Variants in TENM1 observed in about 807,000 individuals in gnomAD.
The protein encoded by TENM1 is teneurin-1.
In TENM1, 35 loss-of-function variants were observed where a neutral mutation model predicts 174.8. The observed-to-expected ratio is 0.20, with a 90% confidence interval of 0.15 to 0.27. The LOEUF is 0.27. TENM1 is among the 10% of genes least tolerant of loss of function. The pLI is 1.00. For synonymous variants in TENM1, 781 were observed against 798.7 expected, an observed-to-expected ratio of 0.98 and a Z score of 0.37; for missense variants, 1,633 against 2,130.1, an observed-to-expected ratio of 0.77 and a Z score of 4.59.
At chrX:125,000,499 T>C in the TENM1 span, among the ~76,000 whole-genome samples, 4 of 111,843 alleles carry the variant, frequency 3.6e-5, no homozygotes, top group Non-Finnish European at 7.6e-5. Context: ...AGGAGGCTCA[T>C]GTTTCTAAAA....
rs375457871 is a variant in TENM1 at position 124,630,951 on chromosome X, G to A, written c.2077+10840C>T. Reference sequence around the variant, plus strand: ...TGCAACATGATATTTTAAAGTTTACGCTGATTTGTAGCGTAGGCAGGTTTC... The same window carrying A: ...TGCAACATGATATTTTAAAGTTTACACTGATTTGTAGCGTAGGCAGGTTTC... On this transcript the variant is annotated intron_variant, in intron 11 of 31. Coordinates refer to ENST00000422452, the Ensembl canonical transcript of TENM1. Among the ~76,000 whole-genome samples, 7 of 112,011 alleles carry A rather than the reference G, an allele frequency of 6.2e-5. No individual in the cohort carries two copies. In the East Asian group the frequency reaches 8.4e-4, roughly 13 times the overall value.
chrX:124,391,700 T>C (rs750026585), intron 28 of TENM1, among the ~76,000 whole-genome samples: 35 of 111,992 alleles, frequency 3.1e-4, no homozygotes, highest in Admixed American at 5.7e-4. Flanking sequence ...GCTGAGTACA[T>C]TAACACAATT....
chrX:124,576,506 A>G (rs2148200977), intron 11 of TENM1, among the ~76,000 whole-genome samples: 1 of 112,087 alleles, frequency 8.9e-6, no homozygotes, highest in East Asian at 2.8e-4. Flanking sequence ...GCAGTTTGTG[A>G]CCACCTAAAA....
At chrX:125,017,884 G>A in the TENM1 span, among the ~76,000 whole-genome samples, 3 of 111,330 alleles carry the variant, frequency 2.7e-5, no homozygotes, top group African/African-American at 9.8e-5. Flanking sequence ...TGGGGGCTAG[G>A]GAAGGGATAG....
chrX:124,794,808 A>C (rs760981180), intron 3 of TENM1, among the ~76,000 whole-genome samples: 91 of 111,188 alleles, frequency 8.2e-4, no homozygotes, highest in African/African-American at 2.9e-3. Context: ...CTGTTGAGCT[A>C]TTCTCCCCTT....
intron 11 of TENM1, among the ~76,000 whole-genome samples, chrX:124,597,629 C>T (rs907868623): frequency 5.4e-5 from 6 of 110,445 alleles, no homozygotes; most frequent in Admixed American, 1.9e-4. Context: ...CAGAAATCAC[C>T]GCTAAAGAAC....
At chrX:124,794,985 C>T (rs1462310807) in intron 3 of TENM1, among the ~76,000 whole-genome samples, 2 of 111,437 alleles carry the variant, frequency 1.8e-5, no homozygotes, top group Non-Finnish European at 3.8e-5. Context: ...CAATTGTCAC[C>T]TCCTAAGGAA....
chrX:124,980,611 A>G, the TENM1 span, among the ~76,000 whole-genome samples: 1 of 111,783 alleles, frequency 8.9e-6, no homozygotes, highest in African/African-American at 3.2e-5. Flanking sequence ...TAAATTTAAT[A>G]ATGAAAATTA....
chrX:125,119,066 C>T, the TENM1 span, among the ~76,000 whole-genome samples: 2 of 111,271 alleles, frequency 1.8e-5, no homozygotes, highest in Admixed American at 9.6e-5. Context: ...AAAATGGGTC[C>T]ATTTAATTGC....
At chrX:124,503,862 C>T (rs1241405354) in intron 18 of TENM1, among the ~76,000 whole-genome samples, 159 bp from the exon 22 acceptor site, 2 of 112,204 alleles carry the variant, frequency 1.8e-5, no homozygotes, top group Admixed American at 1.9e-4. Flanking sequence ...TACAACATTG[C>T]ATCTAGCATA....
Position 124,896,717 on chromosome X carries a change from A to T in TENM1, c.218-476T>A, listed in dbSNP as rs2057568636. 3.6e-5 allele frequency among the ~76,000 whole-genome samples: 4 copies of T among 112,283 alleles called. No homozygotes were observed. In the South Asian group the frequency reaches 1.5e-3, roughly 41 times the overall value. On this transcript the variant is annotated intron_variant, in intron 1 of 31. Coordinates refer to ENST00000422452, the Ensembl canonical transcript of TENM1. ...TGAAAACTCTGAGAAAAAAGCATTA[A>T]GTTCAAATGCACTTTTCTAAAGTAT...
Position 124,430,370 on chromosome X carries a change from T to C in TENM1, c.4105-7732A>G, listed in dbSNP as rs749538632. ...GGCTCACGAGTTAAGATTTCTGGAG[T>C]TGAAAATTCCATCTGTGTCATTTGC... On this transcript the variant is annotated intron_variant, in intron 23 of 31. Transcript: ENST00000422452. 4.4e-5 allele frequency among the ~76,000 whole-genome samples: 5 copies of C among 112,407 alleles called. No homozygotes were observed. The South Asian group carries it at 1.9e-3, about 42-fold the overall frequency.
At chrX:124,844,154 A>T (rs1263012029) in intron 3 of TENM1, among the ~76,000 whole-genome samples, 1 of 111,150 alleles carries the variant, frequency 9.0e-6, no homozygotes, top group Non-Finnish European at 1.9e-5. Context: ...AGGCAAAGCC[A>T]CTCCTTTAGT....
At chrX:124,471,313 C>T (rs866720146) in intron 22 of TENM1, among the ~76,000 whole-genome samples, 40 of 21,291 alleles carry the variant, frequency 1.9e-3, no homozygotes, top group Non-Finnish European at 2.5e-3. Flanking sequence ...ATATATAGTA[C>T]TATATATTAT....
At chrX:124,909,778 A>C (rs1294798341) in intron 1 of TENM1, among the ~76,000 whole-genome samples, 1 of 112,296 alleles carries the variant, frequency 8.9e-6, no homozygotes, top group Non-Finnish European at 1.9e-5. Context: ...CCTAGCACAG[A>C]GCAGCTGCCT....
chrX:124,420,336 C>T (rs1316230881), exon 25 of TENM1: 7 of 1,203,652 alleles, frequency 5.8e-6, no homozygotes, highest in South Asian at 1.8e-5. Flanking sequence ...CATCCATTTT[C>T]GTTACTTTTG....
the TENM1 span, among the ~76,000 whole-genome samples, chrX:124,980,560 G>A: frequency 1.8e-5 from 2 of 111,045 alleles, no homozygotes; most frequent in Non-Finnish European, 3.8e-5. Flanking sequence ...ATCTGATGAT[G>A]TAGGAAAACA....
At chrX:124,893,303 A>C in intron 3 of TENM1, among the ~76,000 whole-genome samples, 1 of 112,657 alleles carries the variant, frequency 8.9e-6, no homozygotes, top group Non-Finnish European at 1.9e-5. Context: ...GAGAAAGCAA[A>C]GCATACTTGG....
In TENM1 at chrX:124,586,895, C is replaced by A. The variant is rs747096837; in HGVS notation, c.2078-21335G>T. ...CACAAGCATTCTTATACACCAATAA[C>A]AGACAAACAGAGAGCCAAATCATGA... On this transcript the variant is annotated intron_variant, in intron 11 of 31. Coordinates refer to ENST00000422452, the Ensembl canonical transcript of TENM1. Among the ~76,000 whole-genome samples the A allele has an allele frequency of 1.4e-4, 15 of 109,592 alleles. 1 individual carries two copies. The South Asian group carries it at 5.9e-3, about 43-fold the overall frequency.
Sources: gnomAD v4.1 joint callset for allele counts (sites outside exome capture counted in the v4.1 genomes callset) on GRCh38, gnomAD v4.1.1 for gene constraint, MANE v1.5 for transcripts, NCBI Gene and HGNC (gene_info 2026-07-23, HGNC 2026-07-21) for gene names.